The following PHF21A variants were observed in gnomAD, a reference collection of about 807,000 sequenced individuals.
PHF21A encodes BHC80a.
A neutral mutation model predicts 82.5 loss-of-function variants in PHF21A; 11 were observed. The ratio of observed to expected loss-of-function variants is 0.13; its 90% confidence interval spans 0.08 to 0.22. The LOEUF is 0.22. Among genes scored for constraint, PHF21A ranks in the 10% least tolerant of loss-of-function variants. PHF21A has a pLI of 1.00. For missense variants in PHF21A, 579 were observed against 837.8 expected, an observed-to-expected ratio of 0.69 and a Z score of 3.81; for synonymous variants, 297 against 302.8, an observed-to-expected ratio of 0.98 and a Z score of 0.20.
intron 6 of PHF21A, among the ~76,000 whole-genome samples, chr11:46,064,648 A>G (rs2139610857): frequency 6.6e-6 from 1 of 152,328 alleles, no homozygotes; most frequent in Non-Finnish European, 1.5e-5. Flanking sequence ...GTTGGGGAAA[A>G]AAAGAAGTGA....
intron 7 of PHF21A, among the ~76,000 whole-genome samples, chr11:45,976,873 TTACCTG>T (rs1330105811): frequency 6.6e-6 from 1 of 152,142 alleles, no homozygotes; most frequent in Non-Finnish European, 1.5e-5. Flanking sequence ...GATTTGTAGT[TTACCTG>T]TAAACTCAAA....
In PHF21A at chr11:45,945,892, G is replaced by A. The variant is rs371948562; in HGVS notation, c.1400C>T (p.Thr467Ile). ...CACAGGCTGAACAGGTGCAGGGAAAGTGAATGTGGTCTCTGTCTTTTCATT... is the reference window on the plus strand; with the variant it reads ...CACAGGCTGAACAGGTGCAGGGAAAATGAATGTGGTCTCTGTCTTTTCATT... ...PENEKTETTF[T>I]FPAPVQPVSL... The change falls in exon 15 of 19, where the codon ACT (threonine) becomes ATT (isoleucine). Residue 467 changes from threonine (T) to isoleucine (I), a missense_variant. By Grantham distance (89) the Thr-to-Ile change is moderately conservative. This residue lies in a region of PHF21A where 410 missense variants were observed against 642.1 expected (regional missense o/e 0.64). Coordinates refer to ENST00000676320, the MANE Select transcript of PHF21A (RefSeq NM_001352027.3). 14 of 1,610,980 alleles carry A rather than the reference G, an allele frequency of 8.7e-6. No individual in the cohort carries two copies. The highest frequency in any genetic ancestry group is 1.7e-5 in the Admixed American group (1 of 59,240).
At chr11:45,948,843 C>A (rs536209924) in intron 14 of PHF21A, 43 bp downstream of exon 14, 1 of 1,474,518 alleles carries the variant, frequency 6.8e-7, no homozygotes, top group Admixed American at 1.7e-5. Flanking sequence ...ACACACAAAG[C>A]AAAAGCAACA....
intron 6 of PHF21A, among the ~76,000 whole-genome samples, chr11:46,020,081 A>G (rs2095600109): frequency 6.6e-6 from 1 of 151,944 alleles, no homozygotes; most frequent in African/African-American, 2.4e-5. Flanking sequence ...TCACCACTCC[A>G]TTTTATTTAT....
chr11:45,969,854 G>A lies in PHF21A; in HGVS notation c.663C>T (p.Pro221=). ...TTGGACGTGGAGTGAGTCTAGGAGGGGGGATAAACTGTGGTACTTTGATGG... is the reference window on the plus strand; with the variant it reads ...TTGGACGTGGAGTGAGTCTAGGAGGAGGGATAAACTGTGGTACTTTGATGG... ...PQPIKVPQFI[P]PPRLTPRPNF... Residue 221 remains proline, a synonymous_variant, in exon 9 of 19, where the codon CCC becomes CCT. Coordinates refer to ENST00000676320, the MANE Select transcript of PHF21A (RefSeq NM_001352027.3). 1 of 1,613,898 alleles carries A rather than the reference G, an allele frequency of 6.2e-7. No individual in the cohort carries two copies. The highest frequency in any genetic ancestry group is 8.5e-7 in the Non-Finnish European group (1 of 1,179,852).
chr11:46,103,018 A>T (rs2097114264), intron 1 of PHF21A, among the ~76,000 whole-genome samples: 1 of 152,012 alleles, frequency 6.6e-6, no homozygotes, highest in East Asian at 1.9e-4. Flanking sequence ...CAACACAGGG[A>T]GTCTGGGCAA....
At chr11:45,939,588 T>G (rs921702362) in intron 15 of PHF21A, among the ~76,000 whole-genome samples, 2 of 152,040 alleles carry the variant, frequency 1.3e-5, no homozygotes, top group African/African-American at 2.4e-5. Flanking sequence ...GCTTTATCCC[T>G]ATAAAAACTT....
At chr11:46,063,821 G>A (rs1394208360) in intron 6 of PHF21A, among the ~76,000 whole-genome samples, 1 of 60,176 alleles carries the variant, frequency 1.7e-5, no homozygotes. Flanking sequence ...TGCAAATACT[G>A]TTTCATCTGA....
intron 6 of PHF21A, among the ~76,000 whole-genome samples, chr11:46,000,513 C>A (rs1008856761): frequency 6.9e-6 from 1 of 145,064 alleles, no homozygotes; most frequent in Non-Finnish European, 1.5e-5. Flanking sequence ...TTTAAAGACT[C>A]TATAACGTTT....
Position 46,030,830 on chromosome 11 carries a change from CGTGTGTGTGTGTGTGTGTGTGT to C in PHF21A, c.153+45902_153+45923del, listed in dbSNP as rs71038879. Among the ~76,000 whole-genome samples, 7 of 142,212 alleles carry C rather than the reference CGTGTGTGTGTGTGTGTGTGTGT, an allele frequency of 4.9e-5. No homozygotes were observed. In the East Asian group the frequency reaches 6.0e-4, roughly 12 times the overall value. 93.3% of individuals were successfully genotyped at this position (142,212 alleles called of 152,430 possible). ...TAGTGTGTGTGTGTGCGTGTGTGTG[CGTGTGTGTGTGTGTGTGTGTGT>C]GTGTGTGTGTGTGTGTGTTTCCAGT... On this transcript the variant is annotated intron_variant, in intron 6 of 18. Coordinates refer to ENST00000676320, the MANE Select transcript of PHF21A (RefSeq NM_001352027.3).
chr11:46,003,380 G>A (rs1477935634), intron 6 of PHF21A, among the ~76,000 whole-genome samples: 1 of 151,342 alleles, frequency 6.6e-6, no homozygotes, highest in Non-Finnish European at 1.5e-5. Flanking sequence ...ACAAAATGAG[G>A]ATAATACCTA....
chr11:45,934,228 G>T lies in PHF21A; in HGVS notation c.1789-3C>A. 1 of 1,611,046 alleles carries T rather than the reference G, an allele frequency of 6.2e-7. No individual in the cohort carries two copies. Among genetic ancestry groups the T allele is most frequent in the Non-Finnish European group, 8.5e-7 (1 of 1,179,578 alleles). The stretch of plus-strand genomic sequence containing the variant: ...GTGTTCTTCATTTCCATGCATTTCT[G>T]CAGCAAATGACAAGGGCAGTGGCAC... On this transcript the variant is annotated splice_polypyrimidine_tract_variant and splice_region_variant and intron_variant, in intron 18 of 18. Coordinates refer to ENST00000676320, the MANE Select transcript of PHF21A (RefSeq NM_001352027.3).
At chr11:45,987,652 C>A (rs997372893) in intron 6 of PHF21A, among the ~76,000 whole-genome samples, 32 of 124,978 alleles carry the variant, frequency 2.6e-4, no homozygotes, top group Middle Eastern at 8.9e-3. Flanking sequence ...CAGAGCAAGA[C>A]CCCGTCTCAA....
At chr11:45,959,482 C>T (rs1335271193) in intron 10 of PHF21A, among the ~76,000 whole-genome samples, 1 of 152,098 alleles carries the variant, frequency 6.6e-6, no homozygotes, top group Non-Finnish European at 1.5e-5. Flanking sequence ...TTGAGATCAA[C>T]AACAAGACAA....
Position 46,083,384 on chromosome 11 carries a change from G to A in PHF21A, c.54+782C>T, listed in dbSNP as rs151069410. ...CAAAGGCCCAAGATATTCTCCCAAC[G>A]ATTTCAAAAGTTAATGTTACCTCAG... is the stretch of plus-strand genomic sequence containing the variant. On this transcript the variant is annotated intron_variant, in intron 4 of 18. Transcript: ENST00000676320. 3.9e-3 allele frequency among the ~76,000 whole-genome samples: 594 copies of A among 152,258 alleles called. 3 individuals carry two copies. The highest frequency in any genetic ancestry group is 0.014 in the African/African-American group (564 of 41,550).
At chr11:46,109,174 C>G (rs951399276) in intron 1 of PHF21A, among the ~76,000 whole-genome samples, 2 of 152,180 alleles carry the variant, frequency 1.3e-5, no homozygotes, top group Non-Finnish European at 2.9e-5. Context: ...GGAATCAAAC[C>G]TGGGCTTGAA....
At chr11:46,007,735 T>A (rs992568073) in intron 6 of PHF21A, among the ~76,000 whole-genome samples, 2 of 152,244 alleles carry the variant, frequency 1.3e-5, no homozygotes, top group African/African-American at 4.8e-5. Flanking sequence ...CAAAAAACGA[T>A]GTGAAAGAAG....
At chr11:45,953,389 C>A in intron 11 of PHF21A, 138 bp downstream of exon 11, 1 of 655,472 alleles carries the variant, frequency 1.5e-6, no homozygotes, top group Non-Finnish European at 2.8e-6. Flanking sequence ...TTGGCAATAA[C>A]ATTGCTGAAT....
intron 3 of PHF21A, among the ~76,000 whole-genome samples, chr11:46,087,208 G>A (rs2135351876): frequency 6.6e-6 from 1 of 152,268 alleles, no homozygotes; most frequent in East Asian, 1.9e-4. Flanking sequence ...ATTAACCAAG[G>A]ATTTGTAGAT....
Sources: allele counts gnomAD v4.1 joint callset (sites outside exome capture counted in the v4.1 genomes callset), GRCh38; gene constraint gnomAD v4.1.1; regional missense constraint gnomAD v4.1.1; transcripts MANE v1.5; gene names NCBI Gene and HGNC (gene_info 2026-07-23, HGNC 2026-07-21).